Variants in AFF3 observed in about 807,000 individuals in gnomAD.
AFF3 encodes ALF transcription elongation factor 3, also known as AF4/FMR2 family member 3.
AFF3 carries 32 observed loss-of-function variants against 129.7 expected under a neutral mutation model. That is an observed-to-expected ratio of 0.25 (90% confidence interval 0.19 to 0.33). AFF3 has a LOEUF of 0.33. Among genes scored for constraint, AFF3 ranks in the 10% least tolerant of loss-of-function variants. The pLI, the probability that AFF3 is intolerant of heterozygous loss-of-function variation, is 1.00. For missense variants in AFF3, 1,373 were observed against 1,592.0 expected, an observed-to-expected ratio of 0.86 and a Z score of 2.34; for synonymous variants, 644 against 635.4, an observed-to-expected ratio of 1.01 and a Z score of -0.20.
intron 7 of AFF3, among the ~76,000 whole-genome samples, chr2:99,907,773 T>C (rs936835686): frequency 2.6e-5 from 4 of 152,068 alleles, no homozygotes; most frequent in Non-Finnish European, 5.9e-5. Flanking sequence ...CGATTGCAGG[T>C]GTGAGCCACT....
At chr2:99,584,236 G>A (rs1677864218) in intron 16 of AFF3, among the ~76,000 whole-genome samples, 1 of 152,066 alleles carries the variant, frequency 6.6e-6, no homozygotes. Context: ...GGGAGGCCAA[G>A]GTGGGCGTAT....
intron 8 of AFF3, among the ~76,000 whole-genome samples, chr2:99,795,433 T>C (rs1237448989): frequency 6.6e-6 from 1 of 152,008 alleles, no homozygotes; most frequent in Non-Finnish European, 1.5e-5. Context: ...GGATGCGAAA[T>C]TACTAATGGG....
intron 11 of AFF3, among the ~76,000 whole-genome samples, chr2:99,714,285 T>A (rs1054662735): frequency 6.6e-6 from 1 of 152,200 alleles, no homozygotes; most frequent in African/African-American, 2.4e-5. Flanking sequence ...CTGGTCAGTC[T>A]TCCTTCCTTA....
At chr2:99,917,942 C>A (rs1468871470) in intron 7 of AFF3, among the ~76,000 whole-genome samples, 1 of 151,790 alleles carries the variant, frequency 6.6e-6, no homozygotes, top group African/African-American at 2.4e-5. Flanking sequence ...AATAAAAATC[C>A]TAGGAAGAGA....
In AFF3 at chr2:99,650,745, G is replaced by T. The variant is rs1157668689; in HGVS notation, c.1144-1079C>A. 6.6e-5 allele frequency among the ~76,000 whole-genome samples: 10 copies of T among 150,422 alleles called. No homozygotes were observed. The East Asian group carries it at 2.0e-3, about 29-fold the overall frequency. On this transcript the variant is annotated intron_variant, in intron 12 of 24. Transcript: ENST00000672756. Reference sequence around the variant, plus strand: ...ATGAAATGAACAAAACTTTCATTTTGTATTGAAAATGTATTGATTTGTTTT... The same window carrying T: ...ATGAAATGAACAAAACTTTCATTTTTTATTGAAAATGTATTGATTTGTTTT...
At chr2:99,930,331 A>C (rs2106295432) in intron 7 of AFF3, among the ~76,000 whole-genome samples, 1 of 152,204 alleles carries the variant, frequency 6.6e-6, no homozygotes, top group East Asian at 1.9e-4. Context: ...GCCTCATGGG[A>C]TCCTGCCCTG....
chr2:99,612,434 A>T (rs1477078751), intron 13 of AFF3, among the ~76,000 whole-genome samples: 1 of 152,240 alleles, frequency 6.6e-6, no homozygotes. Context: ...TGTATACCAA[A>T]CCTGAAAAGG....
chr2:99,892,108 C>T (rs371187049), intron 7 of AFF3, among the ~76,000 whole-genome samples: 8 of 152,234 alleles, frequency 5.3e-5, no homozygotes, highest in Admixed American at 2.0e-4. Context: ...AGGCATGAGC[C>T]ACCACACCCG....
At chr2:99,839,658 C>T (rs2105805094) in intron 7 of AFF3, among the ~76,000 whole-genome samples, 1 of 151,104 alleles carries the variant, frequency 6.6e-6, no homozygotes, top group Non-Finnish European at 1.5e-5. Context: ...GTCACCCAGG[C>T]TGGAGTGCAG....
chr2:99,871,687 T>C (rs974466144), intron 7 of AFF3, among the ~76,000 whole-genome samples: 8 of 152,102 alleles, frequency 5.3e-5, no homozygotes, highest in Admixed American at 5.2e-4. Flanking sequence ...AAAAACTCTG[T>C]CACATTAAAA....
At chr2:99,659,932 A>T (rs192073822) in intron 12 of AFF3, among the ~76,000 whole-genome samples, 209 of 152,298 alleles carry the variant, frequency 1.4e-3, no homozygotes, top group Admixed American at 6.8e-3. Flanking sequence ...TGGCCTGCTC[A>T]TCTGGGCTTT....
chr2:99,752,267 T>A lies in AFF3; in HGVS notation c.956A>T (p.Gln319Leu). ...GGTTGGTTCCACTTTGCCAGGTGCT[T>A]GAATAGCAGAAAGTGGTGGAAGCCA... is the stretch of plus-strand genomic sequence containing the variant. ...MTWLPPLSAIQAPGKVEPTKF... is the reference protein window; with the variant it reads ...MTWLPPLSAILAPGKVEPTKF... The change falls in exon 9 of 25, where the codon CAA becomes CTA. Residue 319 changes from glutamine (Q) to leucine (L), a missense_variant. Physicochemically the swap from Gln to Leu is moderately radical, Grantham distance 113. Coordinates refer to ENST00000672756, the MANE Select transcript of AFF3 (RefSeq NM_001386135.1). The A allele has an allele frequency of 6.2e-7, 1 of 1,614,022 alleles. No individual in the cohort carries two copies. Among genetic ancestry groups the A allele is most frequent in the Non-Finnish European group, 8.5e-7 (1 of 1,179,926 alleles).
intron 22 of AFF3, among the ~76,000 whole-genome samples, chr2:99,557,084 A>G (rs553096599): frequency 6.6e-6 from 1 of 152,286 alleles, no homozygotes; most frequent in African/African-American, 2.4e-5. Context: ...AACGGTAAGT[A>G]TGTGAGGTGA....
Position 99,838,034 on chromosome 2 carries a change from A to C in AFF3, c.874-510T>G, listed in dbSNP as rs1689026380. On this transcript the variant is annotated intron_variant, in intron 7 of 24. Coordinates refer to ENST00000672756, the MANE Select transcript of AFF3 (RefSeq NM_001386135.1). ...ATAGGCAGAAAACTGAAAGACCAAA[A>C]AGAGAAACATCCTCTGGATGTTGGA... is the stretch of plus-strand genomic sequence containing the variant. 2.6e-5 allele frequency among the ~76,000 whole-genome samples: 4 copies of C among 152,268 alleles called. No homozygotes were observed. In the South Asian group the frequency reaches 8.3e-4, roughly 32 times the overall value.
intron 4 of AFF3, among the ~76,000 whole-genome samples, chr2:100,024,420 T>C (rs1022786377): frequency 6.7e-6 from 1 of 148,186 alleles, no homozygotes; most frequent in African/African-American, 2.5e-5. Flanking sequence ...CTGACCAACA[T>C]GGAGAAACCC....
chr2:99,847,659 G>A (rs1430021092), intron 7 of AFF3, among the ~76,000 whole-genome samples: 2 of 151,912 alleles, frequency 1.3e-5, no homozygotes, highest in Non-Finnish European at 2.9e-5. Flanking sequence ...TGGGGTATCT[G>A]GGGCTGAACT....
At chr2:99,615,162 T>C (rs1050979249) in intron 13 of AFF3, among the ~76,000 whole-genome samples, 1 of 152,218 alleles carries the variant, frequency 6.6e-6, no homozygotes, top group Non-Finnish European at 1.5e-5. Context: ...TACATGTCAC[T>C]GGGCAGCATG....
chr2:99,553,937 A>C (rs1468729382), intron 24 of AFF3, among the ~76,000 whole-genome samples: 1 of 149,020 alleles, frequency 6.7e-6, no homozygotes, highest in Non-Finnish European at 1.5e-5. Context: ...AAAAAAAAAA[A>C]AAAAGAAAAA....
intron 7 of AFF3, among the ~76,000 whole-genome samples, chr2:99,966,411 C>A (rs1677752136): frequency 1.3e-5 from 2 of 152,000 alleles, no homozygotes; most frequent in Non-Finnish European, 2.9e-5. Flanking sequence ...AATGAAGAGG[C>A]CGGGCGCGGT....
Sources: allele counts gnomAD v4.1 joint callset (sites outside exome capture counted in the v4.1 genomes callset), GRCh38; gene constraint gnomAD v4.1.1; transcripts MANE v1.5; gene names NCBI Gene and HGNC (gene_info 2026-07-23, HGNC 2026-07-21).